Variants in TENM2 observed in about 807,000 individuals in gnomAD.
The protein encoded by TENM2 is teneurin transmembrane protein 2.
Under a neutral mutation model 245.2 loss-of-function variants are expected in TENM2, and 52 were observed. That is an observed-to-expected ratio of 0.21 (90% CI 0.17 to 0.27). The LOEUF is 0.27. Ranked by LOEUF, TENM2 falls within the 10% of genes least tolerant of loss-of-function variation. The pLI is 1.00. For synonymous variants in TENM2, 1,363 were observed against 1,438.9 expected, an observed-to-expected ratio of 0.95 and a Z score of 1.19; for missense variants, 3,046 against 3,666.8, an observed-to-expected ratio of 0.83 and a Z score of 4.37.
intron 2 of TENM2, among the ~76,000 whole-genome samples, chr5:167,797,290 CT>C (rs1215286334): frequency 6.6e-6 from 1 of 152,134 alleles, no homozygotes; most frequent in Non-Finnish European, 1.5e-5. Context: ...TCCTGACCTC[CT>C]TTTTCTTTTG....
intron 24 of TENM2, among the ~76,000 whole-genome samples, chr5:168,227,306 T>A (rs866389989): frequency 6.6e-6 from 1 of 152,230 alleles, no homozygotes; most frequent in South Asian, 2.1e-4. Flanking sequence ...CCTGATGTAT[T>A]TGAGTCTCTT....
At chr5:168,046,111 T>A (rs74404976) in intron 5 of TENM2, among the ~76,000 whole-genome samples, 11,167 of 152,296 alleles carry the variant, frequency 0.073, 672 homozygotes, top group Admixed American at 0.2. Flanking sequence ...GCCACCTTCA[T>A]CTGTGGCCAT....
the TENM2 span, among the ~76,000 whole-genome samples, chr5:167,044,416 T>C: frequency 6.6e-6 from 1 of 152,186 alleles, no homozygotes; most frequent in Non-Finnish European, 1.5e-5. Flanking sequence ...TAAGTGTAGG[T>C]TACAGCATGC....
the TENM2 span, among the ~76,000 whole-genome samples, chr5:167,158,847 C>CCTT: frequency 1.1e-4 from 2 of 18,344 alleles, no homozygotes; most frequent in African/African-American, 3.7e-4. Flanking sequence ...CCATAGCAGC[C>CCTT]CTTCCTTCCT....
At chr5:167,226,111 CT>C in the TENM2 span, among the ~76,000 whole-genome samples, 1 of 151,732 alleles carries the variant, frequency 6.6e-6, no homozygotes, top group Admixed American at 6.6e-5. Flanking sequence ...AAACTTTTCA[CT>C]TTTTTGATCA....
chr5:167,315,310 G>T (rs567862987), intron 1 of TENM2, among the ~76,000 whole-genome samples: 10 of 152,170 alleles, frequency 6.6e-5, no homozygotes, highest in African/African-American at 2.4e-4. Flanking sequence ...TAGGTAAGGT[G>T]GTATCATATG....
Position 167,648,193 on chromosome 5 carries a change from A to G in TENM2, c.503-227793A>G, listed in dbSNP as rs528158684. Reference sequence around the variant, plus strand: ...GACCCATTCTGCACAGAGACTGACCAGCTTTGTCAGGCTTATGCCCAGCAC... The same window carrying G: ...GACCCATTCTGCACAGAGACTGACCGGCTTTGTCAGGCTTATGCCCAGCAC... On this transcript the variant is annotated intron_variant, in intron 2 of 28. Transcript: ENST00000518659. Among the ~76,000 whole-genome samples, 3 of 152,358 alleles carry G rather than the reference A, an allele frequency of 2.0e-5. No individual in the cohort carries two copies. The East Asian group carries it at 5.8e-4, about 29-fold the overall frequency.
chr5:167,098,916 A>G, the TENM2 span, among the ~76,000 whole-genome samples: 1 of 152,224 alleles, frequency 6.6e-6, no homozygotes, highest in African/African-American at 2.4e-5. Context: ...GCAGATTTCT[A>G]GGCCCACACC....
intron 1 of TENM2, among the ~76,000 whole-genome samples, chr5:167,318,858 G>C (rs1418076088): frequency 1.3e-5 from 2 of 152,142 alleles, no homozygotes; most frequent in Admixed American, 1.3e-4. Flanking sequence ...AAAAAGGAAA[G>C]TTTTTTAAAT....
At chr5:166,990,785 T>A in the TENM2 span, among the ~76,000 whole-genome samples, 18 of 152,344 alleles carry the variant, frequency 1.2e-4, no homozygotes, top group African/African-American at 4.3e-4. Context: ...TACTTTCTAT[T>A]CTAACAACAA....
chr5:167,873,300 G>A (rs574744875), intron 2 of TENM2, among the ~76,000 whole-genome samples: 1 of 152,328 alleles, frequency 6.6e-6, no homozygotes, highest in East Asian at 1.9e-4. Flanking sequence ...CCTTGGGATT[G>A]GGAGATGGGA....
intron 2 of TENM2, among the ~76,000 whole-genome samples, chr5:167,543,378 C>CT (rs1375891049): frequency 1.3e-5 from 2 of 152,174 alleles, no homozygotes; most frequent in Admixed American, 1.3e-4. Flanking sequence ...AAAATAGACT[C>CT]TTTCCTCTTG....
At chr5:167,091,599 A>G in the TENM2 span, among the ~76,000 whole-genome samples, 10 of 152,200 alleles carry the variant, frequency 6.6e-5, no homozygotes, top group African/African-American at 2.2e-4. Flanking sequence ...GTTTAGGGAT[A>G]TTTTTATAAT....
the TENM2 span, among the ~76,000 whole-genome samples, chr5:167,268,140 A>T: frequency 3.9e-5 from 6 of 152,226 alleles, no homozygotes; most frequent in Non-Finnish European, 7.3e-5. Context: ...AATAAGATAT[A>T]GAGGCATAGA....
chr5:167,486,012 A>G (rs1468587053), intron 2 of TENM2, among the ~76,000 whole-genome samples: 3 of 152,172 alleles, frequency 2.0e-5, no homozygotes, highest in African/African-American at 4.8e-5. Flanking sequence ...CCCAGTGTCT[A>G]GTAGAAATAC....
intron 2 of TENM2, among the ~76,000 whole-genome samples, chr5:167,570,966 G>C (rs1429115758): frequency 6.6e-6 from 1 of 152,086 alleles, no homozygotes. Context: ...AGAACTTATT[G>C]AGTTTTAAGC....
At chr5:167,355,188 G>T (rs1759230068) in intron 1 of TENM2, among the ~76,000 whole-genome samples, 1 of 152,182 alleles carries the variant, frequency 6.6e-6, no homozygotes, top group Non-Finnish European at 1.5e-5. Flanking sequence ...TCTGAAACAC[G>T]TACAGTGGTG....
At chr5:167,195,851 A>C in the TENM2 span, among the ~76,000 whole-genome samples, 1 of 152,028 alleles carries the variant, frequency 6.6e-6, no homozygotes, top group Non-Finnish European at 1.5e-5. Flanking sequence ...CCACAGTCTG[A>C]TCTACACACC....
chr5:167,896,941 G>A (rs1775271333), intron 3 of TENM2, among the ~76,000 whole-genome samples: 1 of 152,176 alleles, frequency 6.6e-6, no homozygotes, highest in African/African-American at 2.4e-5. Flanking sequence ...CGTTTCCCCA[G>A]CCTGATTAAA....
Sources: gnomAD v4.1 joint callset for allele counts (sites outside exome capture counted in the v4.1 genomes callset) on GRCh38, gnomAD v4.1.1 for gene constraint, MANE v1.5 for transcripts, NCBI Gene and HGNC (gene_info 2026-07-23, HGNC 2026-07-21) for gene names.